Variants in ATAD2B observed in about 807,000 individuals in gnomAD.
The protein encoded by ATAD2B is ATPase family AAA domain-containing protein 2B.
A neutral mutation model predicts 167.6 loss-of-function variants in ATAD2B; 40 were observed. That is an observed-to-expected ratio of 0.24 (90% CI 0.19 to 0.31). The LOEUF is 0.31. ATAD2B is among the 10% of genes least tolerant of loss of function. The probability of loss-of-function intolerance (pLI) is 1.00; values close to 1 mark genes in which losing one functional copy is unlikely to be tolerated. For missense variants in ATAD2B, 1,242 were observed against 1,757.2 expected (o/e 0.71, Z 5.24); for synonymous variants, 579 against 596.5 (o/e 0.97, Z 0.43).
chr2:23,737,318 T>A, the ATAD2B span, among the ~76,000 whole-genome samples: 2 of 152,118 alleles, frequency 1.3e-5, no homozygotes, highest in African/African-American at 2.4e-5. Context: ...GACTGACACC[T>A]CACACGGCTT....
At position 23,834,039 on chromosome 2, in the gene ATAD2B, T is replaced by C; in HGVS notation, c.1608A>G (p.Leu536=). The change falls in exon 14 of 28, where the codon TTA becomes TTG. Residue 536 remains leucine (L), a synonymous_variant. Coordinates refer to ENST00000238789, the MANE Select transcript of ATAD2B (RefSeq NM_017552.4). ...TAACAACAATTTCACCCCTATTATC[T>C]AATCCATCCATAAGAGCAAGGAGGG... ...VSTLLALMDG[L]DNRGEIVVIG... The C allele has an allele frequency of 4.3e-6, 7 of 1,609,546 alleles. No individual in the cohort carries two copies. The highest frequency in any genetic ancestry group is 5.1e-6 in the Non-Finnish European group (6 of 1,177,550).
At chr2:23,769,596 T>C (rs1677985923) in intron 22 of ATAD2B, among the ~76,000 whole-genome samples, 1 of 152,170 alleles carries the variant, frequency 6.6e-6, no homozygotes, top group Non-Finnish European at 1.5e-5. Flanking sequence ...TGTTTCATTT[T>C]ACATTCCTAC....
chr2:23,799,046 G>A (rs1683048247), intron 18 of ATAD2B, among the ~76,000 whole-genome samples: 1 of 152,120 alleles, frequency 6.6e-6, no homozygotes, highest in South Asian at 2.1e-4. Context: ...TAGGGACCAG[G>A]TTGGCTATTA....
At chr2:23,788,775 T>C (rs1681200313) in intron 19 of ATAD2B, 128 bp from the exon 20 acceptor site, 6 of 802,414 alleles carry the variant, frequency 7.5e-6, no homozygotes, top group Non-Finnish European at 1.1e-5. Context: ...CACATGGGGT[T>C]ATAGTTAACC....
rs1468125977 is a variant in ATAD2B at position 23,749,509 on chromosome 2, T to C, written c.*2537A>G. 1 of 152,174 alleles carries C rather than the reference T, an allele frequency of 6.6e-6. No homozygotes were observed. The highest frequency in any genetic ancestry group is 2.4e-5 in the African/African-American group (1 of 41,442). The allele number at this position is 152,174 out of a possible 1,614,324, so 9.4% of individuals were successfully genotyped here. A position where few individuals can be genotyped will look rare whatever the true frequency, so the allele number is the denominator to read the frequency against. ...TTTAATTTCACAAGCTGCTTTAAAC[T>C]ATAGAACCACCAGATATCTGTAAAA... On this transcript the variant is annotated 3_prime_UTR_variant, in exon 28 of 28. Coordinates refer to ENST00000238789, the MANE Select transcript of ATAD2B (RefSeq NM_017552.4).
intron 1 of ATAD2B, among the ~76,000 whole-genome samples, chr2:23,906,735 T>G (rs529287120): frequency 1.3e-5 from 2 of 150,682 alleles, no homozygotes; most frequent in Non-Finnish European, 1.5e-5. Flanking sequence ...ACTGGCAAAC[T>G]GAATCCAGCA....
chr2:23,833,472 A>T (rs899394181), intron 14 of ATAD2B, among the ~76,000 whole-genome samples: 9 of 152,238 alleles, frequency 5.9e-5, no homozygotes, highest in African/African-American at 2.2e-4. Context: ...TCTTTTAAAA[A>T]AACTTTATAC....
Position 23,819,835 on chromosome 2 carries a change from A to T in ATAD2B, c.2179T>A (p.Ser727Thr), listed in dbSNP as rs781742282. ...LEDSEDENAL[S>T]IFETNCHSGS... ...GAGTGACAATTGGTCTCAAAAATTG[A>T]TAAAGCATTTTCATCTTCACTATCC... Residue 727 changes from serine (S) to threonine (T), a missense_variant, in exon 17 of 28, where the codon TCA becomes ACA. Around this residue, in one of 9 missense-constraint regions of ATAD2B, gnomAD observed 145 missense variants for 181.9 expected, o/e 0.80. Transcript: ENST00000238789. 1.3e-6 allele frequency: 2 copies of T among 1,596,658 alleles called. No individual in the cohort carries two copies. Among genetic ancestry groups the T allele is most frequent in the Non-Finnish European group, 1.7e-6 (2 of 1,164,860 alleles).
chr2:23,838,366 C>T (rs1417421225), intron 13 of ATAD2B, among the ~76,000 whole-genome samples: 2 of 151,982 alleles, frequency 1.3e-5, no homozygotes, highest in African/African-American at 2.4e-5. Context: ...TGTCTTGTAA[C>T]TGAAAAGTCT....
At chr2:23,892,951 T>A (rs1001461115) in intron 2 of ATAD2B, among the ~76,000 whole-genome samples, 1 of 152,202 alleles carries the variant, frequency 6.6e-6, no homozygotes, top group African/African-American at 2.4e-5. Flanking sequence ...CTATCTATAT[T>A]AGTATGTATA....
intron 23 of ATAD2B, among the ~76,000 whole-genome samples, chr2:23,764,558 G>A (rs1170944317): frequency 6.6e-6 from 1 of 152,126 alleles, no homozygotes; most frequent in Non-Finnish European, 1.5e-5. Context: ...TCTAGGGACT[G>A]GAGCAGAGAT....
intron 18 of ATAD2B, among the ~76,000 whole-genome samples, chr2:23,800,958 T>A (rs765890990): frequency 1.1e-4 from 17 of 152,218 alleles, no homozygotes; most frequent in Middle Eastern, 3.4e-3. Flanking sequence ...CCTAACTACA[T>A]GAAATACCAA....
chr2:23,761,526 T>C (rs1676738242), intron 24 of ATAD2B, among the ~76,000 whole-genome samples: 2 of 152,226 alleles, frequency 1.3e-5, no homozygotes, highest in African/African-American at 4.8e-5. Flanking sequence ...GTCCCAAGCA[T>C]TTTGGATAAG....
chr2:23,867,607 A>G (rs1297957785), intron 10 of ATAD2B, among the ~76,000 whole-genome samples: 1 of 152,192 alleles, frequency 6.6e-6, no homozygotes, highest in Non-Finnish European at 1.5e-5. Flanking sequence ...TGCCCCTCAT[A>G]ACCTTCTCAG....
chr2:23,882,503 A>G (rs1328093306), intron 6 of ATAD2B, among the ~76,000 whole-genome samples: 6 of 87,574 alleles, frequency 6.9e-5, no homozygotes, highest in Non-Finnish European at 1.1e-4. Context: ...GCCTCTATTT[A>G]AAAAAAAAAA....
intron 18 of ATAD2B, among the ~76,000 whole-genome samples, chr2:23,804,566 A>G (rs1444871892): frequency 6.6e-6 from 1 of 152,128 alleles, no homozygotes; most frequent in Non-Finnish European, 1.5e-5. Flanking sequence ...CCTTCCCACC[A>G]AAACAAAAAA....
In ATAD2B at chr2:23,750,021, T is replaced by C. The variant is rs1401927238; in HGVS notation, c.*2025A>G. On this transcript the variant is annotated 3_prime_UTR_variant, in exon 28 of 28. Transcript: ENST00000238789. ...TACAAAAAATCTGCTACATCTTATTTCATCAAATCTTTAAATTCTGTAACA... is the reference window on the plus strand; with the variant it reads ...TACAAAAAATCTGCTACATCTTATTCCATCAAATCTTTAAATTCTGTAACA... 3 of 152,152 alleles carry C rather than the reference T, an allele frequency of 2.0e-5. No homozygotes were observed. Among genetic ancestry groups the C allele is most frequent in the African/African-American group, 7.2e-5 (3 of 41,454 alleles). 9.4% of individuals were successfully genotyped at this position (152,152 alleles called of 1,614,324 possible).
chr2:23,792,444 T>A (rs1166386783), intron 19 of ATAD2B, among the ~76,000 whole-genome samples: 10 of 148,968 alleles, frequency 6.7e-5, no homozygotes, highest in Non-Finnish European at 1.5e-4. Flanking sequence ...ATAAGAAAAA[T>A]TAATGGTTAA....
intron 18 of ATAD2B, 133 bp from the exon 19 acceptor site, chr2:23,798,456 G>A (rs1682943213): frequency 1.8e-5 from 11 of 618,274 alleles, no homozygotes; most frequent in South Asian, 3.2e-5. Flanking sequence ...TTAAGTTCAA[G>A]ATATGATGCA....
Sources: allele counts gnomAD v4.1 joint callset (sites outside exome capture counted in the v4.1 genomes callset), GRCh38; gene constraint gnomAD v4.1.1; regional missense constraint gnomAD v4.1.1; transcripts MANE v1.5; gene names NCBI Gene and HGNC (gene_info 2026-07-23, HGNC 2026-07-21).